Variants in LIPC observed in about 807,000 individuals in gnomAD.
The protein encoded by LIPC is lipase C, hepatic type, also known as hepatic triacylglycerol lipase.
A neutral mutation model predicts 50.7 loss-of-function variants in LIPC; 44 were observed. The observed-to-expected ratio is 0.87, with a 90% CI of 0.68 to 1.11. LIPC has a LOEUF of 1.11. Ranked by LOEUF, LIPC falls within the 50% of genes most tolerant of loss-of-function variation. The pLI, the probability that LIPC is intolerant of heterozygous loss-of-function variation, is 0.00. For synonymous variants in LIPC, 271 were observed against 256.4 expected, an observed-to-expected ratio of 1.06 and a Z score of -0.54; for missense variants, 697 against 648.2, an observed-to-expected ratio of 1.08 and a Z score of -0.82.
chr15:58,468,013 C>T (rs1404629272), intron 1 of LIPC, among the ~76,000 whole-genome samples: 1 of 152,132 alleles, frequency 6.6e-6, no homozygotes, highest in African/African-American at 2.4e-5. Context: ...ATAGGACCCA[C>T]TTCCTATAAA....
intron 1 of LIPC, among the ~76,000 whole-genome samples, chr15:58,535,490 T>A (rs1371284983): frequency 6.6e-6 from 1 of 152,174 alleles, no homozygotes; most frequent in African/African-American, 2.4e-5. Context: ...CTGACAACTG[T>A]TTTCCATGGT....
At position 58,533,951 on chromosome 15, in the gene LIPC, A is replaced by C. The variant is rs547928036; in HGVS notation, c.89-4382A>C. Among the ~76,000 whole-genome samples, 179 of 152,360 alleles carry C rather than the reference A, an allele frequency of 1.2e-3. 4 individuals carry two copies. In the South Asian group the frequency reaches 0.032, roughly 27 times the overall value. On this transcript the variant is annotated intron_variant, in intron 1 of 8. Transcript: ENST00000299022. ...TGCAACACTATAATTTGAAGGGGAA[A>C]AAAAAGGCTAAGGACATACAGTAGG... is the stretch of plus-strand genomic sequence containing the variant.
chr15:58,545,923 T>C lies in LIPC; in HGVS notation c.756T>C (p.Pro252=), dbSNP rs775120008. ...ATCCCAACGGGGGCTCCTTCCAGCCTGGCTGCCACTTCCTAGAGCTCTACA... is the reference window on the plus strand; with the variant it reads ...ATCCCAACGGGGGCTCCTTCCAGCCCGGCTGCCACTTCCTAGAGCTCTACA... The part of the protein sequence containing the change: ...DFYPNGGSFQ[P]GCHFLELYRH... The change falls in exon 5 of 9, where the codon CCT becomes CCC. Residue 252 remains proline (P), a synonymous_variant. Transcript: ENST00000299022. 6.5e-5 allele frequency: 105 copies of C among 1,614,244 alleles called. No individual in the cohort carries two copies. The African/African-American group carries it at 1.3e-3, about 20-fold the overall frequency.
chr15:58,554,662 A>G lies in LIPC; in HGVS notation c.1051+6090A>G, dbSNP rs554306094. The stretch of plus-strand genomic sequence containing the variant: ...GTAATCCTAACACTTTGGGAGGCCA[A>G]TGCAGGAGGATTGTGTGAGCCCAGG... On this transcript the variant is annotated intron_variant, in intron 6 of 8. Transcript: ENST00000299022. Among the ~76,000 whole-genome samples, 78 of 152,060 alleles carry G rather than the reference A, an allele frequency of 5.1e-4. 1 individual carries two copies. In the South Asian group the frequency reaches 0.016, roughly 31 times the overall value.
intron 1 of LIPC, among the ~76,000 whole-genome samples, chr15:58,442,576 C>G (rs1893544234): frequency 6.6e-6 from 1 of 152,188 alleles, no homozygotes; most frequent in Non-Finnish European, 1.5e-5. Context: ...TACAGAACAA[C>G]AGAAACCATT....
intron 1 of LIPC, among the ~76,000 whole-genome samples, chr15:58,497,437 G>A (rs1891812512): frequency 6.6e-6 from 1 of 152,188 alleles, no homozygotes; most frequent in South Asian, 2.1e-4. Context: ...TGCAGCTCCT[G>A]CCCTCCACAG....
At chr15:58,531,502 A>C (rs945990974) in intron 1 of LIPC, among the ~76,000 whole-genome samples, 10 of 152,172 alleles carry the variant, frequency 6.6e-5, no homozygotes, top group Admixed American at 4.6e-4. Context: ...AGAGAATTTA[A>C]GAGAAAAGTT....
At chr15:58,469,146 G>A (rs1254367892) in intron 1 of LIPC, among the ~76,000 whole-genome samples, 10 of 145,272 alleles carry the variant, frequency 6.9e-5, no homozygotes, top group South Asian at 2.2e-4. Flanking sequence ...GTGTGTGTAC[G>A]CCTTAAGAGA....
At chr15:58,453,753 C>T (rs543260396) in intron 1 of LIPC, among the ~76,000 whole-genome samples, 7 of 151,768 alleles carry the variant, frequency 4.6e-5, no homozygotes, top group South Asian at 2.1e-4. Context: ...AAAAAAAAAT[C>T]AGCCAGGCCT....
chr15:58,532,191 C>T (rs1172125263), intron 1 of LIPC, among the ~76,000 whole-genome samples: 3 of 152,188 alleles, frequency 2.0e-5, no homozygotes, highest in Non-Finnish European at 4.4e-5. Flanking sequence ...TGGCCTTGGG[C>T]AGAATCTGCT....
chr15:58,444,570 G>T (rs1459413194), intron 1 of LIPC, among the ~76,000 whole-genome samples: 2 of 152,118 alleles, frequency 1.3e-5, no homozygotes, highest in African/African-American at 2.4e-5. Context: ...TTTCTTCTGA[G>T]GCCTCTCTCC....
intron 1 of LIPC, among the ~76,000 whole-genome samples, chr15:58,532,505 T>A (rs1410879024): frequency 6.6e-6 from 1 of 152,220 alleles, no homozygotes; most frequent in Admixed American, 6.5e-5. Context: ...AGTGGATGTT[T>A]ACAAAGCAAA....
At chr15:58,469,851 C>G (rs564707541) in intron 1 of LIPC, among the ~76,000 whole-genome samples, 1 of 152,090 alleles carries the variant, frequency 6.6e-6, no homozygotes, top group East Asian at 1.9e-4. Context: ...GCACTTCCCC[C>G]AAGAGAATAG....
At chr15:58,539,039 T>C (rs1266126310) in intron 2 of LIPC, among the ~76,000 whole-genome samples, 1 of 152,178 alleles carries the variant, frequency 6.6e-6, no homozygotes, top group Non-Finnish European at 1.5e-5. Flanking sequence ...GTCAGTGAAG[T>C]CCTCCAGGCC....
At position 58,545,910 on chromosome 15, in the gene LIPC, G is replaced by A; in HGVS notation, c.743G>A (p.Gly248Asp). The A allele has an allele frequency of 6.2e-7, 1 of 1,614,184 alleles. No individual in the cohort carries two copies. Among genetic ancestry groups the A allele is most frequent in the Non-Finnish European group, 8.5e-7 (1 of 1,180,026 alleles). The change falls in exon 5 of 9, where the codon GGC becomes GAC. Residue 248 changes from glycine (G) to aspartate (D), a missense_variant. By Grantham distance (94) the Gly-to-Asp change is moderately conservative. Coordinates refer to ENST00000299022, the MANE Select transcript of LIPC (RefSeq NM_000236.3). ...IGHYDFYPNG[G>D]SFQPGCHFLE... ...CACTATGACTTCTATCCCAACGGGG[G>A]CTCCTTCCAGCCTGGCTGCCACTTC...
intron 6 of LIPC, among the ~76,000 whole-genome samples, chr15:58,556,336 T>G (rs1458877006): frequency 6.6e-6 from 1 of 152,180 alleles, no homozygotes; most frequent in Non-Finnish European, 1.5e-5. Flanking sequence ...AGATAAGACA[T>G]GGACACAGAT....
At chr15:58,561,894 C>T (rs1431076568) in intron 7 of LIPC, among the ~76,000 whole-genome samples, 4 of 152,248 alleles carry the variant, frequency 2.6e-5, no homozygotes, top group Middle Eastern at 3.4e-3. Flanking sequence ...CCCACCATGG[C>T]TTGAACTTTG....
At chr15:58,515,975 G>A (rs11630220) in intron 1 of LIPC, among the ~76,000 whole-genome samples, 14,756 of 152,110 alleles carry the variant, frequency 0.097, 931 homozygotes, top group Non-Finnish European at 0.15. Flanking sequence ...GCGCGAACAC[G>A]GGGCTGTAAT....
At chr15:58,519,787 A>G (rs1172251966) in intron 1 of LIPC, among the ~76,000 whole-genome samples, 3 of 152,176 alleles carry the variant, frequency 2.0e-5, no homozygotes, top group African/African-American at 7.2e-5. Context: ...CCTTGCTCTT[A>G]GCATCCGTTT....
Sources: gnomAD v4.1 joint callset for allele counts (sites outside exome capture counted in the v4.1 genomes callset) on GRCh38, gnomAD v4.1.1 for gene constraint, MANE v1.5 for transcripts, NCBI Gene and HGNC (gene_info 2026-07-23, HGNC 2026-07-21) for gene names.